Variants in MEI4 observed in about 807,000 individuals in gnomAD.
MEI4 encodes the protein meiosis-specific protein MEI4.
MEI4 carries 27 observed loss-of-function variants against 31.4 expected under a neutral mutation model. That is an observed-to-expected ratio of 0.86 (90% CI 0.63 to 1.19). MEI4 has a LOEUF of 1.19. Ranked by LOEUF, MEI4 falls within the 50% of genes most tolerant of loss-of-function variation. The pLI is 0.00. For synonymous variants in MEI4, 122 were observed against 145.4 expected (o/e 0.84, Z 1.16); for missense variants, 329 against 398.9 (o/e 0.82, Z 1.49).
intron 4 of MEI4, among the ~76,000 whole-genome samples, chr6:77,880,152 A>G (rs111985831): frequency 5.9e-5 from 9 of 152,216 alleles, no homozygotes; most frequent in African/African-American, 1.7e-4. Flanking sequence ...GTGTCTGTCC[A>G]CATTGCCAGA....
chr6:77,819,874 G>T (rs543390830), intron 3 of MEI4, among the ~76,000 whole-genome samples: 1 of 152,240 alleles, frequency 6.6e-6, no homozygotes, highest in East Asian at 1.9e-4. Flanking sequence ...ACTTGGAGCA[G>T]CTTTGAGGAA....
intron 4 of MEI4, among the ~76,000 whole-genome samples, chr6:77,903,162 T>C (rs746408978): frequency 1.2e-4 from 18 of 152,132 alleles, no homozygotes; most frequent in Non-Finnish European, 1.5e-4. Context: ...CTTTTTTTTC[T>C]TTTTTGACCA....
chr6:77,856,789 C>T (rs1770756536), intron 4 of MEI4, among the ~76,000 whole-genome samples: 1 of 152,140 alleles, frequency 6.6e-6, no homozygotes, highest in Non-Finnish European at 1.5e-5. Context: ...TAAGCACTCT[C>T]ATCTTATCCA....
At chr6:77,883,717 G>GAGATATATATAT (rs1554172068) in intron 4 of MEI4, among the ~76,000 whole-genome samples, 2 of 43,324 alleles carry the variant, frequency 4.6e-5, no homozygotes, top group African/African-American at 3.8e-4. Context: ...TATTATGTAA[G>GAGATATATATAT]ATATATATAT....
chr6:77,803,914 G>A (rs1769350369), intron 3 of MEI4, among the ~76,000 whole-genome samples: 1 of 152,158 alleles, frequency 6.6e-6, no homozygotes, highest in South Asian at 2.1e-4. Flanking sequence ...GGCTACTCAG[G>A]GGTCAGGGAC....
In MEI4 at chr6:77,747,177, T is replaced by G. The variant is rs1842899; in HGVS notation, c.233-13953T>G. Among the ~76,000 whole-genome samples, 3,410 of 152,066 alleles carry G rather than the reference T, an allele frequency of 0.022. 315 individuals are homozygous for G. In the East Asian group the frequency reaches 0.31, roughly 14 times the overall value. On this transcript the variant is annotated intron_variant, in intron 2 of 4. Transcript: ENST00000684080. ...AAATGCAAAAATTAACTGGGCATGG[T>G]GGCACACACCTGTAATCCCAGCTAC...
intron 3 of MEI4, among the ~76,000 whole-genome samples, chr6:77,778,472 A>C (rs1326728974): frequency 1.3e-5 from 2 of 152,060 alleles, no homozygotes; most frequent in South Asian, 2.1e-4. Flanking sequence ...AGGCCGAGGC[A>C]GGTGAATTGC....
At chr6:77,850,626 A>T (rs1406468734) in intron 4 of MEI4, among the ~76,000 whole-genome samples, 1 of 152,228 alleles carries the variant, frequency 6.6e-6, no homozygotes, top group Non-Finnish European at 1.5e-5. Context: ...ACCTTATACA[A>T]AAATTAATTC....
chr6:77,878,024 A>C (rs1342443480), intron 4 of MEI4, among the ~76,000 whole-genome samples: 1 of 152,104 alleles, frequency 6.6e-6, no homozygotes, highest in Non-Finnish European at 1.5e-5. Flanking sequence ...TTAATAATTA[A>C]AATATAATTC....
At chr6:77,798,621 TC>T (rs1371948970) in intron 3 of MEI4, among the ~76,000 whole-genome samples, 1 of 150,046 alleles carries the variant, frequency 6.7e-6, no homozygotes, top group African/African-American at 2.4e-5. Flanking sequence ...TAGGTATATC[TC>T]CTAAAGCTAT....
At chr6:77,744,077 G>T (rs952509072) in intron 2 of MEI4, among the ~76,000 whole-genome samples, 1 of 152,306 alleles carries the variant, frequency 6.6e-6, no homozygotes, top group African/African-American at 2.4e-5. Flanking sequence ...CTCCTCCAAA[G>T]GAATGCAGTT....
rs536527468 is a variant in MEI4 at position 77,897,693 on chromosome 6, C to G, written c.901-25396C>G. ...CCCTTTAGAACTAGTCTCATGGATT[C>G]AACATTTTAGGCAGATAATGGCCAT... On this transcript the variant is annotated intron_variant, in intron 4 of 4. Coordinates refer to ENST00000684080, the MANE Select transcript of MEI4 (RefSeq NM_001322247.2). Among the ~76,000 whole-genome samples, 211 of 151,952 alleles carry G rather than the reference C, an allele frequency of 1.4e-3. 1 individual carries two copies. The highest frequency in any genetic ancestry group is 4.5e-3 in the African/African-American group (185 of 41,486).
At chr6:77,825,213 C>G (rs1769915827) in intron 3 of MEI4, among the ~76,000 whole-genome samples, 1 of 152,082 alleles carries the variant, frequency 6.6e-6, no homozygotes. Flanking sequence ...TTCTTTTGAC[C>G]TAACAAAATA....
chr6:77,684,711 C>A (rs935419689), intron 1 of MEI4, among the ~76,000 whole-genome samples: 1 of 152,140 alleles, frequency 6.6e-6, no homozygotes, highest in Admixed American at 6.6e-5. Context: ...GAATATAGTA[C>A]TCCATTGTGT....
intron 2 of MEI4, among the ~76,000 whole-genome samples, chr6:77,759,944 A>C (rs892773897): frequency 6.6e-6 from 1 of 152,270 alleles, no homozygotes; most frequent in Non-Finnish European, 1.5e-5. Flanking sequence ...TCTCATATTT[A>C]GTTTCATGGA....
At chr6:77,921,334 C>T (rs1022712106) in intron 4 of MEI4, among the ~76,000 whole-genome samples, 1 of 151,806 alleles carries the variant, frequency 6.6e-6, no homozygotes, top group Non-Finnish European at 1.5e-5. Context: ...CTGTAGCTTC[C>T]TCACTTTGCT....
At chr6:77,770,253 C>A (rs1768279546) in intron 3 of MEI4, among the ~76,000 whole-genome samples, 1 of 151,924 alleles carries the variant, frequency 6.6e-6, no homozygotes, top group Admixed American at 6.6e-5. Context: ...ACATATACAA[C>A]CTACCAAGAT....
intron 1 of MEI4, 130 bp from the exon 2 acceptor site, chr6:77,690,528 T>A (rs1769138824): frequency 2.4e-6 from 1 of 424,224 alleles, no homozygotes; most frequent in African/African-American, 2.0e-5. Flanking sequence ...TTTTTTTTTC[T>A]GTTACTTGGT....
rs144989487 is a variant in MEI4, at chr6:77,746,123, A to G, written c.233-15007A>G. ...GAAGGCAAGGAATAACTAAAATCAG[A>G]GCAGAACTGAAGGAAATAGAGACAC... On this transcript the variant is annotated intron_variant, in intron 2 of 4. Coordinates refer to ENST00000684080, the MANE Select transcript of MEI4 (RefSeq NM_001322247.2). 1.4e-3 allele frequency among the ~76,000 whole-genome samples: 213 copies of G among 152,338 alleles called. 1 individual carries two copies. The highest frequency in any genetic ancestry group is 4.5e-3 in the African/African-American group (187 of 41,578).
Sources: gnomAD v4.1 joint callset for allele counts (sites outside exome capture counted in the v4.1 genomes callset) on GRCh38, gnomAD v4.1.1 for gene constraint, MANE v1.5 for transcripts, NCBI Gene and HGNC (gene_info 2026-07-23, HGNC 2026-07-21) for gene names.